Variants in RGS18 observed in about 807,000 individuals in gnomAD.
The protein encoded by RGS18 is regulator of G-protein signaling 18.
A neutral mutation model predicts 27.6 loss-of-function variants in RGS18; 22 were observed. The observed-to-expected ratio is 0.80, with a 90% CI of 0.57 to 1.14. The LOEUF is 1.14. Ranked by LOEUF, RGS18 falls within the 50% of genes most tolerant of loss-of-function variation. The pLI is 0.00. For missense variants in RGS18, 299 were observed against 269.6 expected (o/e 1.11, Z -0.76); for synonymous variants, 89 against 84.6 (o/e 1.05, Z -0.29).
chr1:192,161,454 T>C lies in RGS18; in HGVS notation c.283+1015T>C, dbSNP rs191868256. ...TATTCATTTTATGCTTTCTTTCAGA[T>C]AGAAAGACTCAACTGAGCAGGTGAT... is the stretch of plus-strand genomic sequence containing the variant. On this transcript the variant is annotated intron_variant, in intron 3 of 4. Coordinates refer to ENST00000367460, the MANE Select transcript of RGS18 (RefSeq NM_130782.3). 16 of 152,274 alleles carry C rather than the reference T, an allele frequency of 1.1e-4. No homozygotes were observed. The East Asian group carries it at 3.1e-3, about 29-fold the overall frequency. The allele number at this position is 152,274 out of a possible 1,614,324, so 9.4% of individuals were successfully genotyped here.
At chr1:192,183,023 T>C (rs1656481835) in intron 4 of RGS18, among the ~76,000 whole-genome samples, 1 of 151,616 alleles carries the variant, frequency 6.6e-6, no homozygotes, top group African/African-American at 2.4e-5. Context: ...AATTGTGTGA[T>C]ACAATTGCTA....
At chr1:192,177,330 A>G (rs1656375269) in intron 3 of RGS18, among the ~76,000 whole-genome samples, 1 of 150,992 alleles carries the variant, frequency 6.6e-6, no homozygotes, top group Admixed American at 6.6e-5. Flanking sequence ...GATAGGTCTG[A>G]TATTTCATTT....
Position 192,158,632 on chromosome 1 carries a change from G to A in RGS18, c.-6G>A. 19 of 1,545,478 alleles carry A rather than the reference G, an allele frequency of 1.2e-5. No individual in the cohort carries two copies. Among genetic ancestry groups the A allele is most frequent in the Non-Finnish European group, 1.6e-5 (18 of 1,153,148 alleles). ...AAATTAGACATCTCTTCATTTTAGA[G>A]AGAAGATGGAAACAACATTGCTTTT... On this transcript the variant is annotated 5_prime_UTR_variant, in exon 1 of 5. Transcript: ENST00000367460.
chr1:192,161,289 G>T (rs886909687), intron 3 of RGS18, among the ~76,000 whole-genome samples: 1 of 152,138 alleles, frequency 6.6e-6, no homozygotes, highest in East Asian at 1.9e-4. Context: ...GTGAGATGGA[G>T]GGTGAGGACA....
chr1:192,180,679 A>G (rs1656436509), intron 3 of RGS18, among the ~76,000 whole-genome samples: 2 of 151,696 alleles, frequency 1.3e-5, no homozygotes, highest in South Asian at 4.1e-4. Flanking sequence ...ATGACCTACC[A>G]CCTTTTTCTC....
intron 3 of RGS18, among the ~76,000 whole-genome samples, chr1:192,171,593 C>A (rs1191033527): frequency 6.6e-6 from 1 of 151,870 alleles, no homozygotes; most frequent in Admixed American, 6.6e-5. Flanking sequence ...ATGAAGAGGC[C>A]GTGGTGCAGA....
intron 3 of RGS18, among the ~76,000 whole-genome samples, chr1:192,166,538 C>A (rs911187065): frequency 1.3e-5 from 2 of 150,848 alleles, no homozygotes; most frequent in Admixed American, 6.6e-5. Context: ...AGACTACCTA[C>A]AAAGTTGTTA....
intron 4 of RGS18, among the ~76,000 whole-genome samples, chr1:192,182,506 C>A (rs1285349410): frequency 6.6e-6 from 1 of 151,508 alleles, no homozygotes; most frequent in Non-Finnish European, 1.5e-5. Context: ...CTATTCAGAG[C>A]TAAATTTTTT....
At chr1:192,171,749 AT>A (rs757973409) in intron 3 of RGS18, among the ~76,000 whole-genome samples, 4 of 152,092 alleles carry the variant, frequency 2.6e-5, no homozygotes, top group Non-Finnish European at 5.9e-5. Context: ...CATTAAAAAG[AT>A]TGCTTACAAC....
chr1:192,168,105 T>C (rs1281217012), intron 3 of RGS18: 1 of 152,182 alleles, frequency 6.6e-6, no homozygotes, highest in African/African-American at 2.4e-5. Flanking sequence ...GCAGCTGCAT[T>C]CACCACTGCT....
intron 3 of RGS18, among the ~76,000 whole-genome samples, chr1:192,164,357 G>A (rs1656125825): frequency 6.6e-6 from 1 of 152,086 alleles, no homozygotes; most frequent in South Asian, 2.1e-4. Context: ...AGGGATGGTG[G>A]CTTAGGGTGA....
At chr1:192,181,024 G>C (rs1165913854) in intron 3 of RGS18, among the ~76,000 whole-genome samples, 2 of 151,566 alleles carry the variant, frequency 1.3e-5, no homozygotes, top group African/African-American at 2.4e-5. Context: ...CCACCGTAGG[G>C]GGTCCCTCTT....
chr1:192,172,864 C>CATATATATATAT (rs549568195), intron 3 of RGS18, among the ~76,000 whole-genome samples: 2,582 of 135,408 alleles, frequency 0.019, 42 homozygotes, highest in East Asian at 0.082. Flanking sequence ...GAAAAATATG[C>CATATATATATAT]ATATATATAT....
intron 3 of RGS18, among the ~76,000 whole-genome samples, chr1:192,162,222 T>C (rs536312948): frequency 6.6e-6 from 1 of 152,314 alleles, no homozygotes; most frequent in South Asian, 2.1e-4. Flanking sequence ...CTCACTTTTC[T>C]TCATTTCCAG....
At chr1:192,160,156 A>C (rs1656045122) in intron 2 of RGS18, among the ~76,000 whole-genome samples, 1 of 152,188 alleles carries the variant, frequency 6.6e-6, no homozygotes, top group African/African-American at 2.4e-5. Flanking sequence ...CATGAGAAAA[A>C]AAATAATGTT....
chr1:192,181,181 AG>A, intron 3 of RGS18, 110 bp from the exon 4 acceptor site: 1 of 589,930 alleles, frequency 1.7e-6, no homozygotes, highest in South Asian at 2.7e-5. Context: ...GCTGCATTAG[AG>A]GGAAGATGTA....
intron 3 of RGS18, among the ~76,000 whole-genome samples, chr1:192,178,194 C>A (rs934822364): frequency 6.6e-6 from 1 of 151,328 alleles, no homozygotes; most frequent in African/African-American, 2.4e-5. Flanking sequence ...CCAGGTTTCC[C>A]GTTTATATCC....
At chr1:192,159,187 A>C (rs1347538528) in intron 1 of RGS18, 33 bp from the exon 2 acceptor site, 1 of 1,490,774 alleles carries the variant, frequency 6.7e-7, no homozygotes, top group Admixed American at 1.8e-5. Flanking sequence ...CTGTCATCTA[A>C]ATTGTCCTGA....
chr1:192,158,489 G>T lies in RGS18; in HGVS notation c.-149G>T. The T allele has an allele frequency of 4.7e-6, 3 of 641,578 alleles. No homozygotes were observed. Among genetic ancestry groups the T allele is most frequent in the Non-Finnish European group, 6.9e-6 (3 of 435,390 alleles). 39.7% of individuals were successfully genotyped at this position (641,578 alleles called of 1,614,324 possible). ...TTCTGCATTTCTGCAGAGACAGAAA[G>T]AAACGCAGCTCTTGACTTCTTTTTT... On this transcript the variant is annotated 5_prime_UTR_variant, in exon 1 of 5. Transcript: ENST00000367460.
Sources: gnomAD v4.1 joint callset for allele counts (sites outside exome capture counted in the v4.1 genomes callset) on GRCh38, gnomAD v4.1.1 for gene constraint, MANE v1.5 for transcripts, NCBI Gene and HGNC (gene_info 2026-07-23, HGNC 2026-07-21) for gene names.